The following NINJ2 variants were observed in gnomAD, a reference collection of about 807,000 sequenced individuals.
NINJ2 encodes ninjurin 2, also known as ninjurin-2.
A neutral mutation model predicts 11.7 loss-of-function variants in NINJ2; 12 were observed. The ratio of observed to expected loss-of-function variants is 1.02; its 90% confidence interval spans 0.66 to 1.66. The LOEUF (loss-of-function observed/expected upper bound fraction) is 1.66, where lower values mean the gene tolerates loss of function less well. NINJ2 is among the 40% of genes most tolerant of loss of function. NINJ2 has a pLI of 0.00. For synonymous variants in NINJ2, 93 were observed against 76.8 expected (o/e 1.21, Z -1.10); for missense variants, 187 against 181.8 (o/e 1.03, Z -0.16).
At chr12:595,734 C>T (rs1947776482) in intron 1 of NINJ2, among the ~76,000 whole-genome samples, 1 of 151,256 alleles carries the variant, frequency 6.6e-6, no homozygotes, top group East Asian at 1.9e-4. Context: ...GCCTGGGCAA[C>T]AAGAGTTAAA....
chr12:577,315 A>G (rs1592072789), intron 1 of NINJ2, among the ~76,000 whole-genome samples: 1 of 116,684 alleles, frequency 8.6e-6, no homozygotes, highest in South Asian at 2.4e-4. Flanking sequence ...GAAGTTCAGT[A>G]GGCTAAGTGT....
intron 1 of NINJ2, chr12:645,051 G>A (rs1215041955): frequency 6.6e-6 from 1 of 152,196 alleles, no homozygotes; most frequent in Admixed American, 6.5e-5. Flanking sequence ...TCTCTCTTTA[G>A]TGCCAAGATT....
intron 1 of NINJ2, among the ~76,000 whole-genome samples, chr12:616,940 T>C (rs2120361133): frequency 6.6e-6 from 1 of 152,336 alleles, no homozygotes; most frequent in African/African-American, 2.4e-5. Context: ...GCGCAGTGGC[T>C]CATGCCTGTA....
At chr12:636,225 A>T (rs961164628) in intron 1 of NINJ2, among the ~76,000 whole-genome samples, 4 of 151,682 alleles carry the variant, frequency 2.6e-5, no homozygotes, top group African/African-American at 9.7e-5. Context: ...AAAAACACAA[A>T]ATTAGCCAGG....
intron 1 of NINJ2, among the ~76,000 whole-genome samples, chr12:642,471 C>T (rs541449196): frequency 1.3e-5 from 2 of 152,156 alleles, no homozygotes; most frequent in Non-Finnish European, 2.9e-5. Flanking sequence ...CCTCAGGTCC[C>T]CCCGCCTCGG....
intron 1 of NINJ2, among the ~76,000 whole-genome samples, chr12:618,409 C>T (rs959372698): frequency 3.3e-5 from 5 of 151,798 alleles, no homozygotes; most frequent in Admixed American, 1.3e-4. Context: ...CAGTATGCCA[C>T]TCTGGAACCC....
rs61578218 is a variant in NINJ2, at chr12:611,266, T to TC, written c.34-45089_34-45088insG. 3.0e-3 allele frequency among the ~76,000 whole-genome samples: 452 copies of TC among 149,538 alleles called. 6 individuals carry two copies. Among genetic ancestry groups the TC allele is most frequent in the Non-Finnish European group, 3.4e-3 (229 of 67,322 alleles). On this transcript the variant is annotated intron_variant, in intron 1 of 3. Coordinates refer to ENST00000305108, the MANE Select transcript of NINJ2 (RefSeq NM_016533.6). ...TTCTTTCTCTCTCTCTCTTTCTTTC[T>TC]TTCTTTCTCTCTCTCTTTCTTTCTC...
chr12:602,673 C>T (rs1947887599), intron 1 of NINJ2, among the ~76,000 whole-genome samples: 2 of 152,174 alleles, frequency 1.3e-5, no homozygotes, highest in Non-Finnish European at 2.9e-5. Context: ...TTTTGAGGAA[C>T]TGCCAGACTG....
chr12:635,485 T>C (rs577009943), intron 1 of NINJ2, among the ~76,000 whole-genome samples: 1 of 152,344 alleles, frequency 6.6e-6, no homozygotes, highest in East Asian at 1.9e-4. Flanking sequence ...GGGGAAAGGA[T>C]AATCTTTTCA....
chr12:655,372 T>C (rs897280402), intron 1 of NINJ2, among the ~76,000 whole-genome samples: 14 of 152,296 alleles, frequency 9.2e-5, no homozygotes, highest in African/African-American at 2.9e-4. Context: ...AAAATCTAAA[T>C]GAACTGACCA....
At chr12:619,585 G>A (rs766945230) in intron 1 of NINJ2, among the ~76,000 whole-genome samples, 29 of 152,182 alleles carry the variant, frequency 1.9e-4, no homozygotes, top group African/African-American at 6.3e-4. Context: ...TATTGCCTGC[G>A]GAGTCCTCCT....
At chr12:657,445 G>A (rs548396657) in intron 1 of NINJ2, among the ~76,000 whole-genome samples, 1 of 151,890 alleles carries the variant, frequency 6.6e-6, no homozygotes, top group South Asian at 2.1e-4. Context: ...AAAATTAGCC[G>A]GGGCATGGTG....
chr12:568,000 C>T (rs991039425), intron 1 of NINJ2, among the ~76,000 whole-genome samples: 1 of 152,160 alleles, frequency 6.6e-6, no homozygotes, highest in Non-Finnish European at 1.5e-5. Context: ...GAGTAAGACT[C>T]TTGTCTCAAA....
In NINJ2 at chr12:577,416, CAT is replaced by C. The variant is rs536829310; in HGVS notation, c.34-11240_34-11239del. 2.3e-3 allele frequency among the ~76,000 whole-genome samples: 272 copies of C among 120,692 alleles called. 3 individuals carry two copies. The highest frequency in any genetic ancestry group is 9.4e-3 in the South Asian group (36 of 3,810). 79.2% of individuals were successfully genotyped at this position (120,692 alleles called of 152,430 possible). ...ATAAGTTGAGAAGCAACACTAGTCTCATATATATATATACATATATATATATA... is the reference window on the plus strand; with the variant it reads ...ATAAGTTGAGAAGCAACACTAGTCTCATATATATATACATATATATATATA... On this transcript the variant is annotated intron_variant, in intron 1 of 3. Transcript: ENST00000305108.
chr12:619,511 C>T (rs750750982), intron 1 of NINJ2, among the ~76,000 whole-genome samples: 1 of 152,142 alleles, frequency 6.6e-6, no homozygotes, highest in Non-Finnish European at 1.5e-5. Flanking sequence ...TTCTAACCTC[C>T]TTTGTACACA....
At chr12:641,701 C>A (rs897756082) in intron 1 of NINJ2, among the ~76,000 whole-genome samples, 1 of 152,068 alleles carries the variant, frequency 6.6e-6, no homozygotes, top group African/African-American at 2.4e-5. Flanking sequence ...AAAAATGAGC[C>A]GGGCGTGGTG....
intron 1 of NINJ2, among the ~76,000 whole-genome samples, chr12:655,228 G>A (rs1937857294): frequency 6.6e-6 from 1 of 152,198 alleles, no homozygotes; most frequent in Admixed American, 6.5e-5. Flanking sequence ...AGTCTTAGCA[G>A]TTTCCCAGTC....
At chr12:626,157 G>C (rs183763606) in intron 1 of NINJ2, among the ~76,000 whole-genome samples, 26 of 152,226 alleles carry the variant, frequency 1.7e-4, no homozygotes, top group Non-Finnish European at 3.5e-4. Flanking sequence ...CCCCAGTTCT[G>C]GGTAATGTTT....
At chr12:656,697 C>T (rs1309501129) in intron 1 of NINJ2, among the ~76,000 whole-genome samples, 3 of 150,494 alleles carry the variant, frequency 2.0e-5, no homozygotes, top group Non-Finnish European at 2.9e-5. Flanking sequence ...TGCAGTGAGC[C>T]GAGATTGCGC....
Sources: gnomAD v4.1 joint callset for allele counts (sites outside exome capture counted in the v4.1 genomes callset) on GRCh38, gnomAD v4.1.1 for gene constraint, MANE v1.5 for transcripts, NCBI Gene and HGNC (gene_info 2026-07-23, HGNC 2026-07-21) for gene names.